The following SGCZ variants were observed in gnomAD, a reference collection of about 807,000 sequenced individuals.
The protein encoded by SGCZ is zeta-sarcoglycan.
SGCZ carries 40 observed loss-of-function variants against 41.3 expected under a neutral mutation model. The observed-to-expected ratio is 0.97, with a 90% confidence interval of 0.75 to 1.26. The LOEUF is 1.26. Among genes scored for constraint, SGCZ ranks in the 50% most tolerant of loss-of-function variants. The probability of loss-of-function intolerance (pLI) is 0.00; values close to 1 mark genes in which losing one functional copy is unlikely to be tolerated. For synonymous variants in SGCZ, 206 were observed against 137.5 expected (o/e 1.50, Z -3.49); for missense variants, 552 against 369.8 (o/e 1.49, Z -4.04).
At chr8:14,111,269 C>A (rs1410150941) in intron 5 of SGCZ, among the ~76,000 whole-genome samples, 1 of 152,026 alleles carries the variant, frequency 6.6e-6, no homozygotes, top group Non-Finnish European at 1.5e-5. Flanking sequence ...GAAAGCATAT[C>A]TTGAGTAATC....
intron 5 of SGCZ, among the ~76,000 whole-genome samples, chr8:14,137,385 C>A (rs1441569778): frequency 6.6e-6 from 1 of 152,170 alleles, no homozygotes; most frequent in Non-Finnish European, 1.5e-5. Flanking sequence ...CTCCTCCGAG[C>A]TAAAGGAGGA....
chr8:15,223,090 A>T (rs993647416), intron 1 of SGCZ, among the ~76,000 whole-genome samples: 6 of 152,116 alleles, frequency 3.9e-5, no homozygotes, highest in African/African-American at 1.2e-4. Flanking sequence ...GCTGCTTTCT[A>T]TTTTACCAAC....
chr8:14,443,919 A>T (rs1446014100), intron 2 of SGCZ, among the ~76,000 whole-genome samples: 6 of 152,188 alleles, frequency 3.9e-5, no homozygotes, highest in African/African-American at 1.4e-4. Flanking sequence ...TCATCTGACA[A>T]AGGGCTAATA....
chr8:14,670,608 G>A (rs1398360047), intron 1 of SGCZ, among the ~76,000 whole-genome samples: 1 of 152,112 alleles, frequency 6.6e-6, no homozygotes, highest in East Asian at 1.9e-4. Flanking sequence ...TACACCTGAG[G>A]AAAATAATAC....
At chr8:14,446,205 G>C (rs868631606) in intron 2 of SGCZ, among the ~76,000 whole-genome samples, 1 of 152,150 alleles carries the variant, frequency 6.6e-6, no homozygotes, top group African/African-American at 2.4e-5. Flanking sequence ...GAAGCAGCCT[G>C]CTGTATCCCT....
rs571600361 is a variant in SGCZ at position 14,145,843 on chromosome 8, G to A, written c.547+18737C>T. Among the ~76,000 whole-genome samples, 24 of 152,210 alleles carry A rather than the reference G, an allele frequency of 1.6e-4. No homozygotes were observed. In the South Asian group the frequency reaches 3.9e-3, roughly 25 times the overall value. On this transcript the variant is annotated intron_variant, in intron 5 of 7. Coordinates refer to ENST00000382080, the MANE Select transcript of SGCZ (RefSeq NM_139167.4). ...ATTAGAGTTCTTTAATGGCAGAATCGATCAAGCTGGAGGAAGAATTAGCTC... is the reference window on the plus strand; with the variant it reads ...ATTAGAGTTCTTTAATGGCAGAATCAATCAAGCTGGAGGAAGAATTAGCTC...
chr8:14,682,958 C>G (rs1486937251), intron 1 of SGCZ, among the ~76,000 whole-genome samples: 1 of 152,072 alleles, frequency 6.6e-6, no homozygotes, highest in Admixed American at 6.6e-5. Context: ...AATCTGTGTT[C>G]AGAATTTGTA....
At chr8:14,639,038 C>CT (rs148778266) in intron 1 of SGCZ, among the ~76,000 whole-genome samples, 2,922 of 137,574 alleles carry the variant, frequency 0.021, 88 homozygotes, top group East Asian at 0.084. Context: ...AAACTGGAAT[C>CT]TTTTTTTTTT....
At chr8:14,414,225 A>G (rs757894383) in intron 2 of SGCZ, among the ~76,000 whole-genome samples, 2 of 151,758 alleles carry the variant, frequency 1.3e-5, no homozygotes, top group African/African-American at 4.8e-5. Flanking sequence ...CGCACACGCT[A>G]GAGAGAGACA....
chr8:14,119,197 T>C (rs1023617109), intron 5 of SGCZ, among the ~76,000 whole-genome samples: 1 of 152,200 alleles, frequency 6.6e-6, no homozygotes, highest in African/African-American at 2.4e-5. Context: ...TCCATGAGCA[T>C]GGTATGTTTT....
intron 2 of SGCZ, among the ~76,000 whole-genome samples, chr8:14,553,310 G>A (rs1803929982): frequency 6.6e-6 from 1 of 151,980 alleles, no homozygotes; most frequent in Admixed American, 6.6e-5. Flanking sequence ...ATCTCATAAG[G>A]GAGAATGTAC....
At chr8:14,127,101 T>C (rs56404733) in intron 5 of SGCZ, among the ~76,000 whole-genome samples, 46,864 of 152,006 alleles carry the variant, frequency 0.31, 8,695 homozygotes, top group African/African-American at 0.51. Flanking sequence ...AAGGTTTACA[T>C]GGTTTACCTA....
At chr8:14,982,442 T>C (rs1422313149) in intron 1 of SGCZ, among the ~76,000 whole-genome samples, 3 of 152,296 alleles carry the variant, frequency 2.0e-5, no homozygotes, top group South Asian at 2.1e-4. Context: ...TCTCAAAAGA[T>C]TGTAATGAGA....
At chr8:14,714,748 TA>T (rs1205175223) in intron 1 of SGCZ, among the ~76,000 whole-genome samples, 21 of 151,996 alleles carry the variant, frequency 1.4e-4, no homozygotes, top group Non-Finnish European at 2.9e-5. Flanking sequence ...TAAAAATAAA[TA>T]AGCAAGTGGT....
intron 3 of SGCZ, among the ~76,000 whole-genome samples, chr8:14,285,427 T>C (rs1163327544): frequency 6.6e-6 from 1 of 152,066 alleles, no homozygotes; most frequent in Non-Finnish European, 1.5e-5. Context: ...TCCTGAGCCT[T>C]TCGAACTGGA....
intron 2 of SGCZ, among the ~76,000 whole-genome samples, chr8:14,515,740 CT>C (rs1411491565): frequency 1.3e-5 from 2 of 152,042 alleles, no homozygotes; most frequent in African/African-American, 2.4e-5. Context: ...AAGGTGAACA[CT>C]TTGAATTACA....
At chr8:15,024,539 T>C (rs1182876016) in intron 1 of SGCZ, among the ~76,000 whole-genome samples, 5 of 152,110 alleles carry the variant, frequency 3.3e-5, no homozygotes, top group South Asian at 4.1e-4. Context: ...AAACACACTA[T>C]TTATATGGAA....
At position 15,055,918 on chromosome 8, in the gene SGCZ, C is replaced by T. The variant is rs532143948; in HGVS notation, c.39+181667G>A. ...TGACCTGCTCTTTTTCATCTAAAACCCTGCCATCCTTTATTTTTCCAACAA... is the reference window on the plus strand; with the variant it reads ...TGACCTGCTCTTTTTCATCTAAAACTCTGCCATCCTTTATTTTTCCAACAA... On this transcript the variant is annotated intron_variant, in intron 1 of 7. Coordinates refer to ENST00000382080, the MANE Select transcript of SGCZ (RefSeq NM_139167.4). Among the ~76,000 whole-genome samples, 5 of 152,302 alleles carry T rather than the reference C, an allele frequency of 3.3e-5. No homozygotes were observed. In the East Asian group the frequency reaches 9.6e-4, roughly 29 times the overall value.
chr8:14,981,790 C>T (rs1801670547), intron 1 of SGCZ, among the ~76,000 whole-genome samples: 1 of 152,130 alleles, frequency 6.6e-6, no homozygotes, highest in Non-Finnish European at 1.5e-5. Flanking sequence ...AATCATAGTG[C>T]ATATTCTACT....
Sources: gnomAD v4.1 joint callset for allele counts (sites outside exome capture counted in the v4.1 genomes callset) on GRCh38, gnomAD v4.1.1 for gene constraint, MANE v1.5 for transcripts, NCBI Gene and HGNC (gene_info 2026-07-23, HGNC 2026-07-21) for gene names.